Variants in IFT74 observed in about 807,000 individuals in gnomAD.
IFT74 encodes the protein intraflagellar transport protein 74 homolog.
IFT74 carries 92 observed loss-of-function variants against 96.7 expected under a neutral mutation model. That is an observed-to-expected ratio of 0.95 (90% CI 0.80 to 1.13). The LOEUF is 1.13. Ranked by LOEUF, IFT74 falls within the 50% of genes most tolerant of loss-of-function variation. The pLI is 0.00. For missense variants in IFT74, 811 were observed against 698.2 expected (o/e 1.16, Z -1.82); for synonymous variants, 223 against 213.2 (o/e 1.05, Z -0.40).
At chr9:27,057,866 A>G (rs781001421) in intron 18 of IFT74, among the ~76,000 whole-genome samples, 1 of 152,098 alleles carries the variant, frequency 6.6e-6, no homozygotes, top group Non-Finnish European at 1.5e-5. Context: ...TCAAAAAAAA[A>G]ACAAAACTCT....
At chr9:26,963,025 G>T (rs1004234116) in intron 2 of IFT74, among the ~76,000 whole-genome samples, 18 of 149,784 alleles carry the variant, frequency 1.2e-4, no homozygotes, top group South Asian at 2.1e-4. Flanking sequence ...AGTTACATAT[G>T]TATACATGTG....
intron 1 of IFT74, among the ~76,000 whole-genome samples, chr9:26,961,093 T>C (rs1826334816): frequency 6.6e-6 from 1 of 150,408 alleles, no homozygotes; most frequent in Non-Finnish European, 1.5e-5. Flanking sequence ...GTTTTTTTTT[T>C]TTTTTTTTGG....
At chr9:26,955,405 G>C (rs941123045), upstream of IFT74, among the ~76,000 whole-genome samples, 1 of 152,108 alleles carries the variant, frequency 6.6e-6, no homozygotes, top group African/African-American at 2.4e-5. Context: ...AGTTTGAGTT[G>C]AGTCCACCAA....
intron 7 of IFT74, among the ~76,000 whole-genome samples, chr9:26,989,922 T>C (rs886115960): frequency 6.6e-6 from 1 of 152,200 alleles, no homozygotes; most frequent in Non-Finnish European, 1.5e-5. Context: ...ATATTTTTGG[T>C]ATAAGATTAC....
chr9:26,996,462 G>C lies in IFT74; in HGVS notation c.587+6267G>C, dbSNP rs1349072160. On this transcript the variant is annotated intron_variant, in intron 8 of 19. Transcript: ENST00000380062. Reference sequence around the variant, plus strand: ...CTGTTTTGATATTGTAGCTCTGCAGGCTGTTGGGGTAGCTACACATGGTGA... The same window carrying C: ...CTGTTTTGATATTGTAGCTCTGCAGCCTGTTGGGGTAGCTACACATGGTGA... The C allele has an allele frequency of 6.5e-7, 1 of 1,537,390 alleles. No homozygotes were observed. The highest frequency in any genetic ancestry group is 8.8e-7 in the Non-Finnish European group (1 of 1,134,522).
intron 8 of IFT74, among the ~76,000 whole-genome samples, chr9:26,990,411 T>C (rs1040040609): frequency 6.6e-5 from 10 of 152,210 alleles, no homozygotes; most frequent in Non-Finnish European, 1.0e-4. Context: ...CTACATAGCT[T>C]ATATAAATAG....
At chr9:27,003,140 A>G (rs1021962573) in intron 8 of IFT74, among the ~76,000 whole-genome samples, 4 of 151,724 alleles carry the variant, frequency 2.6e-5, no homozygotes, top group African/African-American at 9.7e-5. Flanking sequence ...ATGATTTTAT[A>G]TCTTGCAACT....
chr9:27,037,977 C>G (rs990643157), intron 13 of IFT74, among the ~76,000 whole-genome samples: 1 of 152,250 alleles, frequency 6.6e-6, no homozygotes, highest in African/African-American at 2.4e-5. Flanking sequence ...TACTACCTCA[C>G]TGTTTTAGCC....
At chr9:26,997,427 A>T (rs1479906705) in intron 8 of IFT74, among the ~76,000 whole-genome samples, 1 of 140,652 alleles carries the variant, frequency 7.1e-6, no homozygotes, top group African/African-American at 2.7e-5. Flanking sequence ...TCTGCCTCCC[A>T]GGTTCAAGCA....
chr9:27,001,102 C>A (rs1005967959), intron 8 of IFT74, among the ~76,000 whole-genome samples: 1 of 152,038 alleles, frequency 6.6e-6, no homozygotes, highest in Non-Finnish European at 1.5e-5. Flanking sequence ...TAATGACCTC[C>A]GGTTCCGTTT....
intron 14 of IFT74, among the ~76,000 whole-genome samples, chr9:27,045,630 T>C (rs1819665609): frequency 6.6e-6 from 1 of 152,210 alleles, no homozygotes; most frequent in Non-Finnish European, 1.5e-5. Flanking sequence ...TATACATTTA[T>C]AATTTTTTTA....
intron 16 of IFT74, among the ~76,000 whole-genome samples, chr9:27,053,722 A>C (rs552676932): frequency 2.0e-5 from 3 of 152,350 alleles, no homozygotes; most frequent in Admixed American, 2.0e-4. Flanking sequence ...AAGAAAAATC[A>C]ATTTGTATGG....
At chr9:27,056,646 T>C (rs1820172746) in intron 18 of IFT74, among the ~76,000 whole-genome samples, 187 bp downstream of exon 18, 2 of 152,108 alleles carry the variant, frequency 1.3e-5, no homozygotes, top group Admixed American at 6.5e-5. Context: ...CATAAACCTA[T>C]ATTGAAAGCC....
Position 27,064,058 on chromosome 9 carries a change from T to C in IFT74, c.*1322T>C, listed in dbSNP as rs1820534736. 6.6e-6 allele frequency among the ~76,000 whole-genome samples: 1 copy of C among 152,166 alleles called. No individual in the cohort carries two copies. On this transcript the variant is annotated 3_prime_UTR_variant, in exon 20 of 20. Transcript: ENST00000380062. ...TCTTGACTGCTCATAACCCTTAATA[T>C]GCTAATGTATAATAAGCTCAAGAAG...
chr9:26,995,753 G>C (rs1828118703), intron 8 of IFT74: 1 of 1,613,588 alleles, frequency 6.2e-7, no homozygotes, highest in African/African-American at 1.3e-5. Context: ...GTACCATATT[G>C]GGCATTTGAT....
chr9:27,033,923 TTTTGTCAG>T (rs1489123861), intron 13 of IFT74, among the ~76,000 whole-genome samples: 5 of 152,160 alleles, frequency 3.3e-5, no homozygotes, highest in Admixed American at 3.3e-4. Flanking sequence ...GTTTTTTAGT[TTTTGTCAG>T]TCAAGATAAG....
At chr9:26,972,977 C>G (rs746991137) in intron 2 of IFT74, among the ~76,000 whole-genome samples, 4 of 152,128 alleles carry the variant, frequency 2.6e-5, no homozygotes, top group Non-Finnish European at 4.4e-5. Context: ...GGGACAAGAA[C>G]TTTTTCTGAT....
At chr9:26,991,694 C>T (rs903122841) in intron 8 of IFT74, among the ~76,000 whole-genome samples, 4 of 151,382 alleles carry the variant, frequency 2.6e-5, no homozygotes, top group African/African-American at 7.3e-5. Context: ...TTATCATTTA[C>T]TATATATAAG....
In IFT74 at chr9:27,048,313, A is replaced by T. The variant is rs114642954; in HGVS notation, c.1333+39A>T. On this transcript the variant is annotated intron_variant, in intron 16 of 19. Coordinates refer to ENST00000380062, the MANE Select transcript of IFT74 (RefSeq NM_025103.4). Reference sequence around the variant, plus strand: ...CTAGATTTTAATATTCTTTTTTTTTAAAATATATCAATGTTATTCTCTGAT... The same window carrying T: ...CTAGATTTTAATATTCTTTTTTTTTTAAATATATCAATGTTATTCTCTGAT... 7.1e-3 allele frequency: 9,303 copies of T among 1,306,340 alleles called. 183 individuals are homozygous for T. Among genetic ancestry groups the T allele is most frequent in the African/African-American group, 0.067 (4,417 of 65,920 alleles). The allele number at this position is 1,306,340 out of a possible 1,614,324, so 80.9% of individuals were successfully genotyped here.
Sources: gnomAD v4.1 joint callset for allele counts (sites outside exome capture counted in the v4.1 genomes callset) on GRCh38, gnomAD v4.1.1 for gene constraint, MANE v1.5 for transcripts, NCBI Gene and HGNC (gene_info 2026-07-23, HGNC 2026-07-21) for gene names.